ATP13A4: variants seen among roughly 807,000 people sequenced by gnomAD.
The protein encoded by ATP13A4 is ATPase 13A4.
Under a neutral mutation model 142.5 loss-of-function variants are expected in ATP13A4, and 114 were observed. The observed-to-expected ratio is 0.80, with a 90% confidence interval of 0.69 to 0.93. The LOEUF (loss-of-function observed/expected upper bound fraction) is 0.93, where lower values mean the gene tolerates loss of function less well. ATP13A4 is among the 40% of genes least tolerant of loss of function. ATP13A4 has a pLI of 0.00. For missense variants in ATP13A4, 1,392 were observed against 1,454.0 expected (o/e 0.96, Z 0.69); for synonymous variants, 488 against 514.8 (o/e 0.95, Z 0.70).
intron 2 of ATP13A4, among the ~76,000 whole-genome samples, chr3:193,578,234 A>G (rs1029149343): frequency 6.6e-6 from 1 of 152,168 alleles, no homozygotes; most frequent in African/African-American, 2.4e-5. Context: ...CGGAGGTTGC[A>G]GTGAGCCAAG....
At chr3:193,417,781 C>A (rs181517915) in intron 25 of ATP13A4, among the ~76,000 whole-genome samples, 4 of 149,582 alleles carry the variant, frequency 2.7e-5, no homozygotes, top group Non-Finnish European at 5.9e-5. Context: ...GTCAGGAGAT[C>A]GAGACCATCC....
intron 1 of ATP13A4, among the ~76,000 whole-genome samples, chr3:193,586,215 T>C (rs1369698225): frequency 6.6e-6 from 1 of 152,222 alleles, no homozygotes; most frequent in African/African-American, 2.4e-5. Context: ...AAGAATTTCC[T>C]ATATATCCTG....
intron 2 of ATP13A4, among the ~76,000 whole-genome samples, chr3:193,569,900 C>A (rs1273086279): frequency 2.0e-5 from 3 of 152,108 alleles, no homozygotes; most frequent in Non-Finnish European, 2.9e-5. Context: ...TGAGGGAAAT[C>A]GGGTGCGGGG....
At chr3:193,489,669 A>T (rs1201402906) in intron 7 of ATP13A4, 61 bp downstream of exon 7, 2 of 1,545,218 alleles carry the variant, frequency 1.3e-6, no homozygotes, top group Non-Finnish European at 1.8e-6. Flanking sequence ...TTTCTAACAA[A>T]TTTTTAATAA....
chr3:193,476,419 A>G lies in ATP13A4; in HGVS notation c.809-5426T>C, dbSNP rs114133390. Reference sequence around the variant, plus strand: ...GACTCTGGATTGGGCTTTGCCTTACAGAAATATGACTGGTTTGAGCTTCTA... The same window carrying G: ...GACTCTGGATTGGGCTTTGCCTTACGGAAATATGACTGGTTTGAGCTTCTA... On this transcript the variant is annotated intron_variant, in intron 8 of 29. Coordinates refer to ENST00000342695, the MANE Select transcript of ATP13A4 (RefSeq NM_032279.4). 8.7e-4 allele frequency among the ~76,000 whole-genome samples: 133 copies of G among 152,248 alleles called. 2 individuals carry two copies. The highest frequency in any genetic ancestry group is 3.2e-3 in the African/African-American group (131 of 41,492).
chr3:193,575,426 A>C (rs1336924911), intron 2 of ATP13A4, among the ~76,000 whole-genome samples: 3 of 152,208 alleles, frequency 2.0e-5, no homozygotes, highest in Non-Finnish European at 4.4e-5. Context: ...AAAAGATATA[A>C]TCAAACCACT....
intron 25 of ATP13A4, among the ~76,000 whole-genome samples, chr3:193,417,477 A>G (rs1318312723): frequency 6.6e-6 from 1 of 152,250 alleles, no homozygotes; most frequent in African/African-American, 2.4e-5. Context: ...ATGCTATTAA[A>G]GTGAAGGTGT....
rs1272755415 is a variant in ATP13A4 at position 193,442,283 on chromosome 3, A to T, written c.2316+110T>A. 5 of 1,188,102 alleles carry T rather than the reference A, an allele frequency of 4.2e-6. No individual in the cohort carries two copies. In the African/African-American group the frequency reaches 7.6e-5, roughly 18 times the overall value. The allele number at this position is 1,188,102 out of a possible 1,614,324, so 73.6% of individuals were successfully genotyped here. On this transcript the variant is annotated intron_variant, in intron 19 of 29. Coordinates refer to ENST00000342695, the MANE Select transcript of ATP13A4 (RefSeq NM_032279.4). ...AATGTAACTGAGTTCGTTCAAAAGC[A>T]TGAATGCTAGACATTTGGAAGCATA...
chr3:193,457,255 GA>G, intron 15 of ATP13A4, 102 bp from the exon 16 acceptor site: 4 of 1,578,754 alleles, frequency 2.5e-6, no homozygotes, highest in Non-Finnish European at 3.5e-6. Context: ...AAATAAGGGG[GA>G]AGGTCTCACC....
chr3:193,480,290 A>G (rs1719215205), intron 8 of ATP13A4, among the ~76,000 whole-genome samples: 1 of 152,204 alleles, frequency 6.6e-6, no homozygotes, highest in Non-Finnish European at 1.5e-5. Context: ...ACTTAATTAA[A>G]CTGAAAAGCT....
chr3:193,499,705 T>C (rs1032288692), intron 3 of ATP13A4, among the ~76,000 whole-genome samples: 7 of 152,206 alleles, frequency 4.6e-5, no homozygotes, highest in Non-Finnish European at 8.8e-5. Flanking sequence ...TTATTAATTA[T>C]ATAAATGCAA....
chr3:193,576,284 A>T (rs1222438336), intron 2 of ATP13A4, among the ~76,000 whole-genome samples: 10 of 16,286 alleles, frequency 6.1e-4, no homozygotes, highest in South Asian at 1.4e-3. Flanking sequence ...TTTTTTTTTG[A>T]GACGGAGTCT....
chr3:193,518,126 G>A (rs567391706), intron 1 of ATP13A4, among the ~76,000 whole-genome samples: 1 of 152,274 alleles, frequency 6.6e-6, no homozygotes, highest in East Asian at 1.9e-4. Flanking sequence ...TTAAAATGGT[G>A]ACAATATTGT....
At chr3:193,462,886 T>C in intron 12 of ATP13A4, 63 bp from the exon 13 acceptor site, 1 of 1,534,644 alleles carries the variant, frequency 6.5e-7, no homozygotes, top group South Asian at 1.1e-5. Flanking sequence ...GGCTCATGCC[T>C]GTAATCCCAG....
intron 24 of ATP13A4, among the ~76,000 whole-genome samples, chr3:193,434,124 G>A (rs1448622391): frequency 6.6e-6 from 1 of 152,050 alleles, no homozygotes; most frequent in Non-Finnish European, 1.5e-5. Flanking sequence ...CTATGCAGGG[G>A]GCCTATCATC....
chr3:193,531,377 C>A (rs139339368), intron 1 of ATP13A4, among the ~76,000 whole-genome samples: 1 of 64,174 alleles, frequency 1.6e-5, no homozygotes, highest in African/African-American at 6.2e-5. Context: ...GAGGGAGGAG[C>A]GAAGGAGGAG....
At chr3:193,576,249 CTTTTTTTTT>C (rs59910562) in intron 2 of ATP13A4, among the ~76,000 whole-genome samples, 146 of 54,370 alleles carry the variant, frequency 2.7e-3, no homozygotes, top group African/African-American at 6.7e-3. Context: ...TTGAATCAAT[CTTTTTTTTT>C]TTTTTTTTTT....
At chr3:193,517,094 G>A (rs1721459391) in intron 1 of ATP13A4, among the ~76,000 whole-genome samples, 1 of 152,166 alleles carries the variant, frequency 6.6e-6, no homozygotes, top group South Asian at 2.1e-4. Context: ...ACTCAAAACT[G>A]GGCCTCCAGT....
At chr3:193,499,960 C>T (rs1720448346) in intron 3 of ATP13A4, among the ~76,000 whole-genome samples, 1 of 152,172 alleles carries the variant, frequency 6.6e-6, no homozygotes, top group African/African-American at 2.4e-5. Flanking sequence ...TTTCTTAAGC[C>T]ATTTCTCACA....
Sources: gnomAD v4.1 joint callset for allele counts (sites outside exome capture counted in the v4.1 genomes callset) on GRCh38, gnomAD v4.1.1 for gene constraint, MANE v1.5 for transcripts, NCBI Gene and HGNC (gene_info 2026-07-23, HGNC 2026-07-21) for gene names.